Variants in CEP192 observed in about 807,000 individuals in gnomAD.
The protein encoded by CEP192 is centrosomal protein 192.
CEP192 carries 151 observed loss-of-function variants against 271.8 expected under a neutral mutation model. The ratio of observed to expected loss-of-function variants is 0.56; its 90% CI spans 0.49 to 0.64. The LOEUF (loss-of-function observed/expected upper bound fraction) is 0.64, where lower values mean the gene tolerates loss of function less well. Among genes scored for constraint, CEP192 ranks in the 30% least tolerant of loss-of-function variants. The pLI is 0.00. For synonymous variants in CEP192, 995 were observed against 1,076.5 expected (o/e 0.92, Z 1.48); for missense variants, 2,910 against 3,020.5 (o/e 0.96, Z 0.86).
chr18:13,072,269 C>A (rs1470995937), intron 28 of CEP192, among the ~76,000 whole-genome samples: 1 of 152,184 alleles, frequency 6.6e-6, no homozygotes, highest in Non-Finnish European at 1.5e-5. Context: ...TATGTCCATT[C>A]TTTTGCATTG....
intron 38 of CEP192, among the ~76,000 whole-genome samples, chr18:13,102,693 C>T (rs986674914): frequency 6.6e-6 from 1 of 152,214 alleles, no homozygotes; most frequent in Admixed American, 6.5e-5. Context: ...TCAAGTTTTC[C>T]TGCCTCACCT....
intron 37 of CEP192, 59 bp from the exon 38 acceptor site, chr18:13,100,246 T>G: frequency 8.7e-7 from 1 of 1,154,710 alleles, no homozygotes; most frequent in Non-Finnish European, 1.3e-6. Context: ...AAAATGGAAT[T>G]GTTTCGTTTA....
intron 21 of CEP192, among the ~76,000 whole-genome samples, chr18:13,067,297 G>C (rs116786087): frequency 6.6e-6 from 1 of 152,054 alleles, no homozygotes; most frequent in Non-Finnish European, 1.5e-5. Context: ...TTTGATATCC[G>C]GTGGGGGTTC....
At chr18:13,028,634 C>T (rs984286145) in intron 9 of CEP192, among the ~76,000 whole-genome samples, 2 of 152,160 alleles carry the variant, frequency 1.3e-5, no homozygotes, top group South Asian at 4.1e-4. Flanking sequence ...ATTCTCTTGC[C>T]TCAGCCTCCC....
intron 24 of CEP192, 47 bp downstream of exon 24, chr18:13,068,469 T>C (rs1307789978): frequency 1.5e-6 from 2 of 1,350,674 alleles, no homozygotes; most frequent in Non-Finnish European, 2.1e-6. Context: ...TGTAGCTAGA[T>C]AAACTACAAA....
At position 13,067,961 on chromosome 18, in the gene CEP192, G is replaced by T. The variant is rs1399108861; in HGVS notation, c.4614+5G>T. On this transcript the variant is annotated splice_donor_5th_base_variant and intron_variant, in intron 22 of 44. Coordinates refer to ENST00000506447, the MANE Select transcript of CEP192 (RefSeq NM_032142.4). ...ATTAGACTGATTATTAATGCTGTAA[G>T]TATGAACATACAGTAAGAAACCATT... The T allele has an allele frequency of 1.9e-6, 3 of 1,606,138 alleles. No homozygotes were observed. Among genetic ancestry groups the T allele is most frequent in the Non-Finnish European group, 2.6e-6 (3 of 1,173,522 alleles).
At chr18:13,102,598 T>G (rs1598610153) in intron 38 of CEP192, among the ~76,000 whole-genome samples, 3 of 152,308 alleles carry the variant, frequency 2.0e-5, no homozygotes, top group Admixed American at 2.0e-4. Flanking sequence ...GTCCGTTTTG[T>G]GTCTTGGTTG....
chr18:13,118,854 A>G (rs1279149998), intron 44 of CEP192, among the ~76,000 whole-genome samples: 4 of 152,200 alleles, frequency 2.6e-5, no homozygotes, highest in Admixed American at 2.6e-4. Flanking sequence ...GGCTGGCAGG[A>G]TGCATCAACA....
chr18:13,057,359 G>A (rs2144167007), intron 19 of CEP192, among the ~76,000 whole-genome samples: 1 of 151,686 alleles, frequency 6.6e-6, no homozygotes, highest in East Asian at 1.9e-4. Context: ...TTGTGAGTTT[G>A]ATCCAATTTT....
chr18:12,992,846 A>G (rs989359106), intron 1 of CEP192, among the ~76,000 whole-genome samples: 18 of 152,322 alleles, frequency 1.2e-4, no homozygotes, highest in Admixed American at 1.2e-3. Context: ...CTTGGTGCCA[A>G]GTAGAGGGTT....
Position 13,069,129 on chromosome 18 carries a change from A to G in CEP192, c.5003A>G (p.Gln1668Arg). The G allele has an allele frequency of 6.2e-7, 1 of 1,614,232 alleles. No individual in the cohort carries two copies. The highest frequency in any genetic ancestry group is 8.5e-7 in the Non-Finnish European group (1 of 1,180,048). ...GCCAAAGTGGCTTCCTCAAGAAAGC[A>G]GCACTTACCTTTGAAAAATGCTGGG... ...FLAKVASSRK[Q>R]HLPLKNAGNI... Residue 1668 changes from glutamine to arginine, a missense_variant, in exon 26 of 45, where the codon CAG becomes CGG. Gln to Arg is a conservative substitution (Grantham distance 43). Transcript: ENST00000506447.
At chr18:13,019,670 T>C (rs925161756) in intron 9 of CEP192, among the ~76,000 whole-genome samples, 1 of 152,164 alleles carries the variant, frequency 6.6e-6, no homozygotes, top group Admixed American at 6.5e-5. Flanking sequence ...TGTAGGTTAA[T>C]TTTTTCTCAC....
rs772070577 is a variant in CEP192 at position 13,073,164 on chromosome 18, A to G, written c.5595A>G (p.Ser1865=). Residue 1865 remains serine (S), a synonymous_variant, in exon 30 of 45, where the codon TCA becomes TCG. Coordinates refer to ENST00000506447, the MANE Select transcript of CEP192 (RefSeq NM_032142.4). ...AAATCAAACAACTTGGAAATCGATCACAACCAGGCATTAAGTTCACAGTAA... is the reference window on the plus strand; with the variant it reads ...AAATCAAACAACTTGGAAATCGATCGCAACCAGGCATTAAGTTCACAGTAA... ...RLEIKQLGNR[S]QPGIKFTIPL... is the part of the protein sequence containing the mutation. The G allele has an allele frequency of 6.2e-7, 1 of 1,610,428 alleles. No individual in the cohort carries two copies. Among genetic ancestry groups the G allele is most frequent in the East Asian group, 2.2e-5 (1 of 44,854 alleles).
intron 11 of CEP192, among the ~76,000 whole-genome samples, chr18:13,032,640 C>T (rs2035696539): frequency 6.6e-6 from 1 of 152,000 alleles, no homozygotes; most frequent in South Asian, 2.1e-4. Context: ...AATTGTACAC[C>T]TGAGTACATA....
intron 4 of CEP192, among the ~76,000 whole-genome samples, chr18:13,012,523 T>TA (rs1376404514): frequency 6.6e-6 from 1 of 152,222 alleles, no homozygotes; most frequent in Non-Finnish European, 1.5e-5. Flanking sequence ...TATTATCTGA[T>TA]ACAGTTGTTC....
chr18:13,080,001 GT>G (rs2038503993), intron 30 of CEP192, among the ~76,000 whole-genome samples: 1 of 152,122 alleles, frequency 6.6e-6, no homozygotes, highest in African/African-American at 2.4e-5. Flanking sequence ...CTGTATATCT[GT>G]TTTGGTACCA....
chr18:13,055,681 A>G (rs1453616937), intron 18 of CEP192, 99 bp from the exon 19 acceptor site: 9 of 814,606 alleles, frequency 1.1e-5, no homozygotes, highest in Admixed American at 2.9e-5. Flanking sequence ...GAGACACCTC[A>G]TGCACATCTC....
At chr18:12,997,711 C>G (rs2033342242) in intron 1 of CEP192, among the ~76,000 whole-genome samples, 1 of 152,132 alleles carries the variant, frequency 6.6e-6, no homozygotes, top group African/African-American at 2.4e-5. Context: ...AACTCCTATT[C>G]CAAAACAAGT....
intron 15 of CEP192, among the ~76,000 whole-genome samples, chr18:13,043,764 C>T (rs1315991350): frequency 6.6e-6 from 1 of 152,134 alleles, no homozygotes; most frequent in African/African-American, 2.4e-5. Flanking sequence ...CATATCACTT[C>T]ATTTATATGT....
Sources: gnomAD v4.1 joint callset for allele counts (sites outside exome capture counted in the v4.1 genomes callset) on GRCh38, gnomAD v4.1.1 for gene constraint, MANE v1.5 for transcripts, NCBI Gene and HGNC (gene_info 2026-07-23, HGNC 2026-07-21) for gene names.